MAST4: variants seen among roughly 807,000 people sequenced by gnomAD.
MAST4 encodes microtubule-associated serine/threonine-protein kinase 4.
MAST4 carries 89 observed loss-of-function variants against 162.7 expected under a neutral mutation model. That is an observed-to-expected ratio of 0.55 (90% confidence interval 0.46 to 0.65). The LOEUF (loss-of-function observed/expected upper bound fraction) is 0.65. MAST4 is among the 30% of genes least tolerant of loss of function. The pLI is 0.00. For missense variants in MAST4, 3,153 were observed against 3,374.0 expected (o/e 0.93, Z 1.62); for synonymous variants, 1,479 against 1,361.1 (o/e 1.09, Z -1.91).
intron 2 of MAST4, among the ~76,000 whole-genome samples, chr5:66,774,416 G>C (rs1205344308): frequency 2.0e-5 from 3 of 152,184 alleles, no homozygotes; most frequent in Admixed American, 2.0e-4. Context: ...TATGAGTGCT[G>C]TGATGCCCCT....
Position 67,162,650 on chromosome 5 carries a change from T to C in MAST4, c.3829T>C (p.Leu1277=). Residue 1277 remains leucine (L), a synonymous_variant, in exon 28 of 29, where the codon TTA becomes CTA. Coordinates refer to ENST00000403625, the MANE Select transcript of MAST4 (RefSeq NM_001164664.2). ...AAAGCTAGCCAAGCAGCCTTCTCCT[T>C]TACTCCACACCAGCCGAAGTTTCTC... ...FKKLAKQPSP[L]LHTSRSFSCL... is the part of the protein sequence containing the mutation. 6.2e-7 allele frequency: 1 copy of C among 1,613,948 alleles called. No homozygotes were observed. The highest frequency in any genetic ancestry group is 1.1e-5 in the South Asian group (1 of 91,078).
In MAST4 at chr5:66,930,682, A is replaced by G. The variant is rs974687576; in HGVS notation, c.674+30700A>G. ...TTGACCCTTTGACATGCTTTCAGGAATGTGTGAAGCAGGAAAGTAAAGAGC... is the reference window on the plus strand; with the variant it reads ...TTGACCCTTTGACATGCTTTCAGGAGTGTGTGAAGCAGGAAAGTAAAGAGC... On this transcript the variant is annotated intron_variant, in intron 4 of 28. Transcript: ENST00000403625. 3 of 470,342 alleles carry G rather than the reference A, an allele frequency of 6.4e-6. No individual in the cohort carries two copies. The East Asian group carries it at 2.1e-4, about 33-fold the overall frequency. 29.1% of individuals were successfully genotyped at this position (470,342 alleles called of 1,614,324 possible). A position where few individuals can be genotyped will look rare whatever the true frequency, so the allele number is the denominator to read the frequency against.
At position 67,164,394 on chromosome 5, in the gene MAST4, C is replaced by T; in HGVS notation, c.5215C>T (p.Arg1739Ter). The change falls in exon 29 of 29, where the codon CGA (arginine) becomes TGA (stop). Residue 1739 changes from arginine (R) to a stop codon, truncating the protein, a stop_gained. Coordinates refer to ENST00000403625, the MANE Select transcript of MAST4 (RefSeq NM_001164664.2). LOFTEE classifies it low-confidence loss of function (END_TRUNC). The surrounding 1 kb of genome is among the most constrained non-coding windows in gnomAD (Gnocchi z 5.3). ...GGAGCCCCCGCCGGCTTCTGAGAGCCGAGCTTTTGTCAGCAGCACCCATGC... is the reference window on the plus strand; with the variant it reads ...GGAGCCCCCGCCGGCTTCTGAGAGCTGAGCTTTTGTCAGCAGCACCCATGC... ...QQEPPPASES[R>*]AFVSSTHAAQ... 1.2e-6 allele frequency: 2 copies of T among 1,614,024 alleles called. No individual in the cohort carries two copies. Among genetic ancestry groups the T allele is most frequent in the Non-Finnish European group, 1.7e-6 (2 of 1,179,902 alleles).
At chr5:67,127,036 T>G (rs1768328639) in intron 14 of MAST4, among the ~76,000 whole-genome samples, 1 of 151,990 alleles carries the variant, frequency 6.6e-6, no homozygotes, top group South Asian at 2.1e-4. Flanking sequence ...ATGATTTGGC[T>G]CTCTGTTTGT....
chr5:66,907,670 G>A (rs1580836380), intron 4 of MAST4, among the ~76,000 whole-genome samples: 1 of 150,570 alleles, frequency 6.6e-6, no homozygotes, highest in East Asian at 2.0e-4. Flanking sequence ...GTTCAGGCCT[G>A]TTATATATCA....
At chr5:66,629,255 A>G (rs1344167409) in intron 1 of MAST4, among the ~76,000 whole-genome samples, 3 of 152,216 alleles carry the variant, frequency 2.0e-5, no homozygotes, top group Non-Finnish European at 4.4e-5. Flanking sequence ...CCTTGCCCCC[A>G]GATTCCTGAA....
intron 1 of MAST4, among the ~76,000 whole-genome samples, chr5:66,743,929 G>C (rs962373704): frequency 3.9e-5 from 6 of 152,126 alleles, no homozygotes; most frequent in Non-Finnish European, 7.3e-5. Context: ...CGAGTGGAAG[G>C]GGGAGAGGGC....
intron 3 of MAST4, among the ~76,000 whole-genome samples, chr5:66,849,142 G>C (rs1177960751): frequency 6.6e-6 from 1 of 152,096 alleles, no homozygotes; most frequent in African/African-American, 2.4e-5. Flanking sequence ...GTGATGAGGG[G>C]GTCATAAGCC....
chr5:67,160,674 TGAA>T (rs1367704763), intron 27 of MAST4, 82 bp downstream of exon 27: 11 of 1,434,842 alleles, frequency 7.7e-6, no homozygotes, highest in Non-Finnish European at 9.4e-6. Flanking sequence ...TGCTTATATA[TGAA>T]GAAGATCTAT....
chr5:66,622,991 G>C (rs1744175893), intron 1 of MAST4: 1 of 152,280 alleles, frequency 6.6e-6, no homozygotes, highest in East Asian at 1.9e-4. Context: ...CCTTCAGTCT[G>C]TTGCTAAGTT....
At chr5:66,873,946 G>A (rs573117081) in intron 3 of MAST4, among the ~76,000 whole-genome samples, 132 of 152,116 alleles carry the variant, frequency 8.7e-4, no homozygotes, top group African/African-American at 3.1e-3. Flanking sequence ...GAAAATATGG[G>A]CCAGAAATAA....
At chr5:67,024,075 C>T (rs1292374229) in intron 4 of MAST4, among the ~76,000 whole-genome samples, 1 of 143,346 alleles carries the variant, frequency 7.0e-6, no homozygotes, top group Non-Finnish European at 1.5e-5. Context: ...CCTCCCCCAA[C>T]CCCTGGCCAC....
chr5:66,622,226 A>G (rs944150624), intron 1 of MAST4, among the ~76,000 whole-genome samples: 5 of 152,168 alleles, frequency 3.3e-5, no homozygotes, highest in African/African-American at 1.2e-4. Context: ...GTGTTTGGCC[A>G]TGTGTCTATC....
At chr5:66,915,485 G>C (rs1017240493) in intron 4 of MAST4, among the ~76,000 whole-genome samples, 2 of 152,120 alleles carry the variant, frequency 1.3e-5, no homozygotes, top group African/African-American at 4.8e-5. Flanking sequence ...AAAAAGAATA[G>C]CTTGACTAAA....
intron 1 of MAST4, among the ~76,000 whole-genome samples, chr5:66,656,316 T>G (rs979704775): frequency 1.3e-5 from 2 of 152,264 alleles, no homozygotes; most frequent in African/African-American, 4.8e-5. Flanking sequence ...TCCATAAAAT[T>G]TGCCTTCTCT....
chr5:66,670,030 G>T (rs1181545362), intron 1 of MAST4, among the ~76,000 whole-genome samples: 1 of 152,174 alleles, frequency 6.6e-6, no homozygotes. Flanking sequence ...GATGTGCCGG[G>T]TTTTCTAATG....
Position 67,072,164 on chromosome 5 carries a change from A to T in MAST4, c.763+17672A>T, listed in dbSNP as rs188114988. On this transcript the variant is annotated intron_variant, in intron 5 of 28. Transcript: ENST00000403625. ...AAAAGTAACCATCCAGCAAGGAATT[A>T]AAAAATTACCAACTTTACTTTGAAA... Among the ~76,000 whole-genome samples, 17 of 152,326 alleles carry T rather than the reference A, an allele frequency of 1.1e-4. No individual in the cohort carries two copies. The East Asian group carries it at 2.9e-3, about 26-fold the overall frequency.
At chr5:67,106,748 G>A (rs943435516) in intron 10 of MAST4, among the ~76,000 whole-genome samples, 8 of 152,112 alleles carry the variant, frequency 5.3e-5, no homozygotes, top group Non-Finnish European at 1.0e-4. Context: ...AATGCATTTA[G>A]CCATAATGAA....
chr5:67,032,878 C>T (rs1384161788), intron 4 of MAST4, among the ~76,000 whole-genome samples: 1 of 151,878 alleles, frequency 6.6e-6, no homozygotes, highest in East Asian at 1.9e-4. Flanking sequence ...GACCTATTGC[C>T]ATTTATTTCA....
Sources: allele counts gnomAD v4.1 joint callset (sites outside exome capture counted in the v4.1 genomes callset), GRCh38; gene constraint gnomAD v4.1.1; non-coding constraint Gnocchi (gnomAD v3.1); transcripts MANE v1.5; gene names NCBI Gene and HGNC (gene_info 2026-07-23, HGNC 2026-07-21).